Variants in CHSY3 observed in about 807,000 individuals in gnomAD.
CHSY3 encodes the protein N-acetylgalactosaminyl-proteoglycan 3-beta-glucuronosyltransferase 3.
A neutral mutation model predicts 67.2 loss-of-function variants in CHSY3; 35 were observed. The observed-to-expected ratio is 0.52, with a 90% CI of 0.40 to 0.69. The LOEUF (loss-of-function observed/expected upper bound fraction) is 0.69, where lower values mean the gene tolerates loss of function less well. Among genes scored for constraint, CHSY3 ranks in the 30% least tolerant of loss-of-function variants. The probability of loss-of-function intolerance (pLI) is 0.00; values close to 1 mark genes in which losing one functional copy is unlikely to be tolerated. For synonymous variants in CHSY3, 474 were observed against 434.7 expected (o/e 1.09, Z -1.12); for missense variants, 1,069 against 1,138.5 (o/e 0.94, Z 0.88).
chr5:129,983,739 T>C (rs1033176914), intron 2 of CHSY3, among the ~76,000 whole-genome samples: 21 of 152,218 alleles, frequency 1.4e-4, no homozygotes, highest in African/African-American at 4.8e-4. Flanking sequence ...GATCAATGTA[T>C]GCATAAAATA....
chr5:129,908,486 C>T (rs1760405860), intron 2 of CHSY3, 126 bp downstream of exon 2: 5 of 1,381,394 alleles, frequency 3.6e-6, no homozygotes, highest in South Asian at 3.0e-5. Flanking sequence ...AGTAGCAGCC[C>T]TTAAGGGATA....
chr5:130,088,633 A>G (rs1010780383), intron 2 of CHSY3, among the ~76,000 whole-genome samples: 1 of 152,158 alleles, frequency 6.6e-6, no homozygotes, highest in African/African-American at 2.4e-5. Flanking sequence ...GCTCACCATC[A>G]CTGGCCATCA....
At chr5:130,042,698 G>C (rs1183826224) in intron 2 of CHSY3, among the ~76,000 whole-genome samples, 2 of 151,990 alleles carry the variant, frequency 1.3e-5, no homozygotes, top group Non-Finnish European at 2.9e-5. Context: ...AACAATTACA[G>C]TTAGCAGGAC....
intron 2 of CHSY3, among the ~76,000 whole-genome samples, chr5:129,925,325 G>A (rs2149585605): frequency 6.6e-6 from 1 of 152,270 alleles, no homozygotes; most frequent in Admixed American, 6.5e-5. Flanking sequence ...TTCCAGAGAG[G>A]CAGGAGCCAG....
intron 2 of CHSY3, among the ~76,000 whole-genome samples, chr5:130,132,248 T>C (rs910656481): frequency 6.6e-6 from 1 of 152,156 alleles, no homozygotes; most frequent in Non-Finnish European, 1.5e-5. Flanking sequence ...CTTTCAACTT[T>C]AAGCTCTCTT....
intron 2 of CHSY3, among the ~76,000 whole-genome samples, chr5:130,022,931 T>A (rs1764435525): frequency 1.3e-5 from 2 of 151,974 alleles, no homozygotes; most frequent in Admixed American, 6.6e-5. Flanking sequence ...ATTCGGAGTA[T>A]AAAAATATGC....
chr5:129,990,629 T>C (rs1422226884), intron 2 of CHSY3, among the ~76,000 whole-genome samples: 11 of 152,218 alleles, frequency 7.2e-5, no homozygotes. Flanking sequence ...GTAGCATTTT[T>C]ATCAGAGTTT....
intron 2 of CHSY3, among the ~76,000 whole-genome samples, chr5:130,174,663 T>C (rs181441257): frequency 7.9e-5 from 12 of 152,290 alleles, no homozygotes; most frequent in Admixed American, 2.0e-4. Context: ...TAACTAATTA[T>C]ATACAATAAT....
intron 2 of CHSY3, among the ~76,000 whole-genome samples, chr5:129,980,920 AGATCGGCCGGGCGC>A (rs1168608266): frequency 6.6e-6 from 1 of 152,046 alleles, no homozygotes; most frequent in Non-Finnish European, 1.5e-5. Context: ...CCTTAGTCAA[AGATCGGCCGGGCGC>A]GGTGGCTCAC....
At chr5:129,978,860 A>G (rs1463958374) in intron 2 of CHSY3, among the ~76,000 whole-genome samples, 1 of 152,160 alleles carries the variant, frequency 6.6e-6, no homozygotes, top group Non-Finnish European at 1.5e-5. Context: ...ATTTATACTA[A>G]ATAATTAAGA....
intron 2 of CHSY3, among the ~76,000 whole-genome samples, chr5:130,006,322 T>C (rs1014232841): frequency 1.3e-5 from 2 of 152,164 alleles, no homozygotes; most frequent in African/African-American, 2.4e-5. Flanking sequence ...GGATAGACTA[T>C]GTAGTGTGGC....
chr5:129,939,081 C>T (rs1253544481), intron 2 of CHSY3, among the ~76,000 whole-genome samples: 6 of 152,166 alleles, frequency 3.9e-5, no homozygotes. Context: ...GGGGAGCCCT[C>T]AGGAAACTTA....
chr5:130,028,739 C>T (rs1047963694), intron 2 of CHSY3, among the ~76,000 whole-genome samples: 17 of 152,000 alleles, frequency 1.1e-4, no homozygotes, highest in Non-Finnish European at 4.4e-5. Context: ...CATTCTCTCT[C>T]TTATTACTTT....
chr5:130,166,295 AT>A (rs1197869587), intron 2 of CHSY3, among the ~76,000 whole-genome samples: 1 of 152,084 alleles, frequency 6.6e-6, no homozygotes, highest in Non-Finnish European at 1.5e-5. Flanking sequence ...TGAAACCCAA[AT>A]TGTTCTTTAC....
intron 1 of CHSY3, chr5:129,905,961 T>G: frequency 3.0e-5 from 10 of 336,348 alleles, no homozygotes; most frequent in Non-Finnish European, 4.3e-5. Context: ...CCAAAGGCCA[T>G]TCCCACTCTG....
At chr5:129,976,766 T>C (rs1243312659) in intron 2 of CHSY3, among the ~76,000 whole-genome samples, 1 of 151,942 alleles carries the variant, frequency 6.6e-6, no homozygotes, top group East Asian at 1.9e-4. Context: ...CAAAAAACAT[T>C]TGTTAAAAAG....
chr5:130,182,583 T>G (rs1415160769), intron 2 of CHSY3, among the ~76,000 whole-genome samples: 2 of 152,168 alleles, frequency 1.3e-5, no homozygotes, highest in Non-Finnish European at 2.9e-5. Flanking sequence ...GTCTTGCAGA[T>G]ATTTTCATGT....
intron 2 of CHSY3, among the ~76,000 whole-genome samples, chr5:130,172,229 A>G (rs1161461799): frequency 6.6e-6 from 1 of 152,132 alleles, no homozygotes; most frequent in Non-Finnish European, 1.5e-5. Context: ...TGTGATATGC[A>G]TTCACTTTTA....
intron 1 of CHSY3, chr5:129,905,879 C>G (rs1760272566): frequency 4.9e-6 from 4 of 809,898 alleles, no homozygotes; most frequent in Non-Finnish European, 7.3e-6. Flanking sequence ...TTGCTGTTTT[C>G]GGTGCCGCCT....
Sources: allele counts gnomAD v4.1 joint callset (sites outside exome capture counted in the v4.1 genomes callset), GRCh38; gene constraint gnomAD v4.1.1; transcripts MANE v1.5; gene names NCBI Gene and HGNC (gene_info 2026-07-23, HGNC 2026-07-21).